The following MYBL2 variants were observed in gnomAD, a reference collection of about 807,000 sequenced individuals.
MYBL2 encodes the protein myb-related protein B.
MYBL2 carries 28 observed loss-of-function variants against 79.9 expected under a neutral mutation model. That is an observed-to-expected ratio of 0.35 (90% confidence interval 0.26 to 0.48). The LOEUF (loss-of-function observed/expected upper bound fraction) is 0.48. Among genes scored for constraint, MYBL2 ranks in the 20% least tolerant of loss-of-function variants. The probability of loss-of-function intolerance (pLI) is 0.99; values close to 1 mark genes in which losing one functional copy is unlikely to be tolerated. For missense variants in MYBL2, 735 were observed against 893.9 expected (o/e 0.82, Z 2.27); for synonymous variants, 378 against 361.2 (o/e 1.05, Z -0.53).
chr20:43,696,319 C>T (rs943006431), intron 6 of MYBL2, among the ~76,000 whole-genome samples: 2 of 151,938 alleles, frequency 1.3e-5, no homozygotes, highest in Admixed American at 1.3e-4. Context: ...TGGCTCACCG[C>T]AACCTCCGCC....
In MYBL2 at chr20:43,711,562, GGAC is replaced by G. The variant is rs773997128; in HGVS notation, c.1684_1686del (p.Asp562del). On this transcript the variant is annotated inframe_deletion, in exon 11 of 14. Transcript: ENST00000217026. Reference sequence around the variant, plus strand: ...AGGCTGGCATCGAACTCATCATCGAGGACGACATCAGGCCCGAGAAGCAGAAGA... The same window carrying G: ...AGGCTGGCATCGAACTCATCATCGAGGACATCAGGCCCGAGAAGCAGAAGA... The G allele has an allele frequency of 5.0e-5, 81 of 1,613,868 alleles. No homozygotes were observed. The South Asian group carries it at 8.7e-4, about 17-fold the overall frequency.
intron 4 of MYBL2, among the ~76,000 whole-genome samples, chr20:43,683,551 ATT>A (rs1181872489): frequency 0.021 from 2,915 of 137,798 alleles, 139 homozygotes; most frequent in African/African-American, 0.071. Flanking sequence ...GGAACTAGGC[ATT>A]TTTTTTTTTT....
intron 2 of MYBL2, 106 bp downstream of exon 2, chr20:43,674,005 C>A: frequency 1.0e-6 from 1 of 996,454 alleles, no homozygotes; most frequent in Non-Finnish European, 1.5e-6. Flanking sequence ...AGAGGAGGAG[C>A]CGGTGAAGGA....
chr20:43,711,395 A>G, intron 10 of MYBL2, 93 bp from the exon 11 acceptor site: 1 of 895,420 alleles, frequency 1.1e-6, no homozygotes, highest in Non-Finnish European at 1.8e-6. Flanking sequence ...CTTACCCAGG[A>G]CAGCCCAGTT....
chr20:43,686,377 G>A (rs943647863), intron 4 of MYBL2, among the ~76,000 whole-genome samples: 1 of 152,140 alleles, frequency 6.6e-6, no homozygotes, highest in African/African-American at 2.4e-5. Context: ...GGCTCAGCCT[G>A]TGCCCTCCCA....
intron 8 of MYBL2, among the ~76,000 whole-genome samples, chr20:43,704,065 G>A: frequency 6.6e-6 from 1 of 152,286 alleles, no homozygotes; most frequent in East Asian, 1.9e-4. Flanking sequence ...GGAGGCTGGA[G>A]TGCAGTGGCA....
intron 1 of MYBL2, among the ~76,000 whole-genome samples, chr20:43,670,623 T>C (rs2145704196): frequency 6.6e-6 from 1 of 152,212 alleles, no homozygotes; most frequent in South Asian, 2.1e-4. Context: ...TTGTAGATGA[T>C]GTGGAGGAGA....
chr20:43,703,776 G>C (rs947364720), intron 8 of MYBL2, among the ~76,000 whole-genome samples: 5 of 152,070 alleles, frequency 3.3e-5, no homozygotes, highest in African/African-American at 1.2e-4. Context: ...TTTTGAGAGA[G>C]ACCCTGTGTC....
chr20:43,696,531 C>T (rs549909010), intron 6 of MYBL2, among the ~76,000 whole-genome samples: 5 of 152,288 alleles, frequency 3.3e-5, no homozygotes, highest in African/African-American at 4.8e-5. Flanking sequence ...TAAAATTAGA[C>T]GATGTCTTAC....
intron 6 of MYBL2, among the ~76,000 whole-genome samples, chr20:43,696,250 T>C (rs1568865966): frequency 6.6e-6 from 1 of 152,284 alleles, no homozygotes; most frequent in East Asian, 1.9e-4. Flanking sequence ...CAACTTTTTT[T>C]TTTTTTTGAG....
chr20:43,712,729 C>T (rs958253257), intron 11 of MYBL2, among the ~76,000 whole-genome samples: 1 of 152,116 alleles, frequency 6.6e-6, no homozygotes, highest in African/African-American at 2.4e-5. Flanking sequence ...CAGGTCACTT[C>T]GTGGTGGAGG....
intron 6 of MYBL2, among the ~76,000 whole-genome samples, chr20:43,698,961 C>G (rs948872244): frequency 6.6e-6 from 1 of 151,882 alleles, no homozygotes; most frequent in Non-Finnish European, 1.5e-5. Context: ...CCTCAGCCTC[C>G]CAAAGTGCTA....
intron 5 of MYBL2, among the ~76,000 whole-genome samples, chr20:43,691,888 C>A (rs1462437762): frequency 6.6e-6 from 1 of 151,478 alleles, no homozygotes; most frequent in Non-Finnish European, 1.5e-5. Flanking sequence ...TTTACCTGAA[C>A]CTGACAGTAG....
intron 6 of MYBL2, among the ~76,000 whole-genome samples, chr20:43,696,209 G>T (rs909078215): frequency 2.0e-5 from 3 of 151,908 alleles, no homozygotes; most frequent in African/African-American, 7.3e-5. Context: ...TTATAGAATT[G>T]GGCAATGCAG....
At position 43,692,282 on chromosome 20, in the gene MYBL2, AG is replaced by A; in HGVS notation, c.628del (p.Asp210ThrfsTer16). 6.2e-7 allele frequency: 1 copy of A among 1,614,196 alleles called. No homozygotes were observed. Among genetic ancestry groups the A allele is most frequent in the Non-Finnish European group, 8.5e-7 (1 of 1,180,034 alleles). ...PVYLLLELED[K>X]DGLQSAQPTE... ...TACTTGCTGCTGGAGCTCGAGGACA[AG>A]GACGGCCTCCAGAGTGCCCAGCCCA... On this transcript the variant is annotated frameshift_variant, in exon 6 of 14. Transcript: ENST00000217026. LOFTEE classifies it high-confidence loss of function.
chr20:43,713,794 G>A (rs1987966145), intron 12 of MYBL2, among the ~76,000 whole-genome samples: 1 of 152,212 alleles, frequency 6.6e-6, no homozygotes, highest in African/African-American at 2.4e-5. Flanking sequence ...GCTACAGTGA[G>A]GTCGACCTCA....
chr20:43,713,006 G>C lies in MYBL2; in HGVS notation c.1724G>C (p.Arg575Pro). 1 of 1,609,726 alleles carries C rather than the reference G, an allele frequency of 6.2e-7. No individual in the cohort carries two copies. Among genetic ancestry groups the C allele is most frequent in the Non-Finnish European group, 8.5e-7 (1 of 1,177,732 alleles). Residue 575 changes from arginine to proline, a missense_variant, in exon 12 of 14, where the codon CGG becomes CCG. By Grantham distance (103) the Arg-to-Pro change is moderately radical. Coordinates refer to ENST00000217026, the MANE Select transcript of MYBL2 (RefSeq NM_002466.4). ...PEKQKRKPGL[R>P]RSPIKKVRKS... is the part of the protein sequence containing the mutation. ...CTTCTATCTGCCAACCCCTAGCTGC[G>C]GCGGAGCCCCATCAAGAAAGTCCGG...
intron 11 of MYBL2, 66 bp from the exon 12 acceptor site, chr20:43,712,936 A>G: frequency 1.6e-6 from 2 of 1,281,920 alleles, no homozygotes; most frequent in Admixed American, 2.0e-5. Context: ...GGCCATGACC[A>G]TCCAGGTGCT....
At chr20:43,697,719 T>C (rs1987576900) in intron 6 of MYBL2, among the ~76,000 whole-genome samples, 1 of 151,590 alleles carries the variant, frequency 6.6e-6, no homozygotes, top group Non-Finnish European at 1.5e-5. Flanking sequence ...CTGGCTAGCA[T>C]GGTGAAACCC....
Sources: allele counts gnomAD v4.1 joint callset (sites outside exome capture counted in the v4.1 genomes callset), GRCh38; gene constraint gnomAD v4.1.1; transcripts MANE v1.5; gene names NCBI Gene and HGNC (gene_info 2026-07-23, HGNC 2026-07-21).